ZNF765: variants seen among roughly 807,000 people sequenced by gnomAD.
ZNF765 encodes zinc finger protein 765.
In ZNF765, 37 loss-of-function variants were observed where a neutral mutation model predicts 44.7. That is an observed-to-expected ratio of 0.83 (90% CI 0.64 to 1.09). The LOEUF (loss-of-function observed/expected upper bound fraction) is 1.09, where lower values mean the gene tolerates loss of function less well. Ranked by LOEUF, ZNF765 falls within the 50% of genes least tolerant of loss-of-function variation. The probability of loss-of-function intolerance (pLI) is 0.00; values close to 1 mark genes in which losing one functional copy is unlikely to be tolerated. For missense variants in ZNF765, 594 were observed against 626.1 expected (o/e 0.95, Z 0.55); for synonymous variants, 201 against 213.7 (o/e 0.94, Z 0.52).
intron 3 of ZNF765, among the ~76,000 whole-genome samples, chr19:53,418,189 C>T (rs2085886138): frequency 6.6e-6 from 1 of 152,040 alleles, no homozygotes; most frequent in Non-Finnish European, 1.5e-5. Context: ...GATCACGGGT[C>T]AGGAGATCGA....
chr19:53,412,430 G>A (rs960441578), downstream of ZNF765, among the ~76,000 whole-genome samples: 1 of 152,038 alleles, frequency 6.6e-6, no homozygotes, highest in African/African-American at 2.4e-5. Flanking sequence ...TCTAGTACAA[G>A]GGATCTTGAT....
chr19:53,403,607 G>T lies in ZNF765; in HGVS notation c.142+1416G>T, dbSNP rs577610136. 8.6e-4 allele frequency among the ~76,000 whole-genome samples: 131 copies of T among 152,332 alleles called. 1 individual carries two copies. The highest frequency in any genetic ancestry group is 1.5e-3 in the Non-Finnish European group (105 of 68,032). ...GCCTGTAATCCCAGCACTTCGGGAG[G>T]CCGAGGCAGGCAAATCACCTGAGGT... On this transcript the variant is annotated intron_variant, in intron 3 of 3. Transcript: ENST00000396408.
At chr19:53,412,160 T>C (rs2085839275), downstream of ZNF765, among the ~76,000 whole-genome samples, 1 of 152,258 alleles carries the variant, frequency 6.6e-6, no homozygotes, top group Non-Finnish European at 1.5e-5. Context: ...CACTCATTGG[T>C]CATTTCATGG....
Position 53,408,172 on chromosome 19 carries a change from A to C in ZNF765, c.617A>C (p.Gln206Pro), listed in dbSNP as rs567402985. 6 of 1,614,106 alleles carry C rather than the reference A, an allele frequency of 3.7e-6. No homozygotes were observed. In the Admixed American group the frequency reaches 5.0e-5, roughly 13 times the overall value. Residue 206 changes from glutamine (Q) to proline (P), a missense_variant, in exon 4 of 4, where the codon CAG (glutamine) becomes CCG (proline). Transcript: ENST00000396408. ...AATTCTTCATTATTCACACAAAAACAGGAAGTACATATGAGGGAAAAATCT... is the reference window on the plus strand; with the variant it reads ...AATTCTTCATTATTCACACAAAAACCGGAAGTACATATGAGGGAAAAATCT... ...FLNSSLFTQK[Q>P]EVHMREKSFQ...
intron 3 of ZNF765, among the ~76,000 whole-genome samples, chr19:53,417,371 CAT>C (rs1202563537): frequency 2.6e-4 from 39 of 152,144 alleles, no homozygotes; most frequent in African/African-American, 8.7e-4. Context: ...TAAGTGAGAA[CAT>C]GTGGCATTTG....
At chr19:53,422,817 C>T (rs117599151) in intron 3 of ZNF765, among the ~76,000 whole-genome samples, 3,153 of 152,216 alleles carry the variant, frequency 0.021, 69 homozygotes, top group Admixed American at 0.054. Flanking sequence ...GGGATGTGGC[C>T]ATGGGAATGA....
chr19:53,401,625 T>C (rs2147091016), intron 2 of ZNF765, among the ~76,000 whole-genome samples: 1 of 151,966 alleles, frequency 6.6e-6, no homozygotes, highest in South Asian at 2.1e-4. Flanking sequence ...TGCATGTAAT[T>C]CCAGCACTTT....
chr19:53,415,893 C>T (rs1437811732), downstream of ZNF765, among the ~76,000 whole-genome samples: 1 of 152,124 alleles, frequency 6.6e-6, no homozygotes, highest in East Asian at 1.9e-4. Flanking sequence ...TATATTTCTG[C>T]TTCAAGGACA....
At chr19:53,400,783 T>TATATATATATATATAC (rs10664389) in intron 2 of ZNF765, among the ~76,000 whole-genome samples, 3,420 of 126,516 alleles carry the variant, frequency 0.027, 78 homozygotes, top group African/African-American at 0.046. Context: ...TATATATATA[T>TATATATATATATATAC]ACACACATAC....
At chr19:53,404,373 G>T (rs2085756080) in intron 3 of ZNF765, among the ~76,000 whole-genome samples, 1 of 152,130 alleles carries the variant, frequency 6.6e-6, no homozygotes, top group African/African-American at 2.4e-5. Context: ...ACCGTGCCCG[G>T]CCTGTCTTTT....
At chr19:53,403,219 C>G (rs2085745256) in intron 3 of ZNF765, among the ~76,000 whole-genome samples, 1 of 151,958 alleles carries the variant, frequency 6.6e-6, no homozygotes, top group African/African-American at 2.4e-5. Context: ...CTGTGAGTCT[C>G]TTGTAGACAA....
intron 3 of ZNF765, among the ~76,000 whole-genome samples, chr19:53,420,836 A>G (rs1358949705): frequency 6.6e-6 from 1 of 152,196 alleles, no homozygotes; most frequent in Non-Finnish European, 1.5e-5. Flanking sequence ...GGAAGGCCAC[A>G]GGGACCTCTG....
In ZNF765 at chr19:53,402,585, A is replaced by G. The variant is rs530623050; in HGVS notation, c.142+394A>G. On this transcript the variant is annotated intron_variant, in intron 3 of 3. Coordinates refer to ENST00000396408, the MANE Select transcript of ZNF765 (RefSeq NM_001040185.3). ...TATATTTTCTCTTGTTTTTAGATAA[A>G]GTGTCTCTCTCTGTCAGCCCGGGTG... is the stretch of plus-strand genomic sequence containing the variant. Among the ~76,000 whole-genome samples the G allele has an allele frequency of 5.3e-5, 8 of 152,094 alleles. No homozygotes were observed. In the South Asian group the frequency reaches 1.2e-3, roughly 24 times the overall value.
At chr19:53,419,783 C>T (rs143503707) in intron 3 of ZNF765, among the ~76,000 whole-genome samples, 2,505 of 151,920 alleles carry the variant, frequency 0.016, 72 homozygotes, top group African/African-American at 0.057. Context: ...TTTAGGAGGC[C>T]GAGGCGGGTG....
chr19:53,409,919 T>G lies in ZNF765; in HGVS notation c.*792T>G. 1 of 615,920 alleles carries G rather than the reference T, an allele frequency of 1.6e-6. No individual in the cohort carries two copies. Among genetic ancestry groups the G allele is most frequent in the South Asian group, 1.4e-5 (1 of 71,564 alleles). The allele number at this position is 615,920 out of a possible 1,614,324, so 38.2% of individuals were successfully genotyped here. A position where few individuals can be genotyped will look rare whatever the true frequency, so the allele number is the denominator to read the frequency against. ...TCATGGGCAGTCAGCATTTTACAAA[T>G]GTAATGATTGTCACCAAGTCTTGAG... is the stretch of plus-strand genomic sequence containing the variant. On this transcript the variant is annotated 3_prime_UTR_variant, in exon 4 of 4. Coordinates refer to ENST00000396408, the MANE Select transcript of ZNF765 (RefSeq NM_001040185.3).
intron 3 of ZNF765, among the ~76,000 whole-genome samples, chr19:53,406,257 C>T (rs2147095821): frequency 6.6e-6 from 1 of 151,694 alleles, no homozygotes; most frequent in African/African-American, 2.4e-5. Context: ...TCTTGAACTC[C>T]TCACCTCATG....
chr19:53,419,757 C>T (rs544978993), intron 3 of ZNF765, among the ~76,000 whole-genome samples: 93 of 152,244 alleles, frequency 6.1e-4, no homozygotes, highest in African/African-American at 2.0e-3. Context: ...GTGGCTCACA[C>T]CTGTAATCCC....
Position 53,409,029 on chromosome 19 carries a change from A to G in ZNF765, c.1474A>G (p.Lys492Glu). The change falls in exon 4 of 4, where the codon AAA becomes GAA. Residue 492 changes from lysine to glutamate, a missense_variant. Physicochemically the swap from Lys to Glu is moderately conservative, Grantham distance 56. Coordinates refer to ENST00000396408, the MANE Select transcript of ZNF765 (RefSeq NM_001040185.3). ...TYHHRLHTGQ[K>E]PYKCEDCDEA... Reference sequence around the variant, plus strand: ...CCATCATAGACTTCATACTGGACAGAAACCTTACAAATGTGAAGATTGTGA... The same window carrying G: ...CCATCATAGACTTCATACTGGACAGGAACCTTACAAATGTGAAGATTGTGA... The G allele has an allele frequency of 6.2e-7, 1 of 1,614,058 alleles. No homozygotes were observed. Among genetic ancestry groups the G allele is most frequent in the Middle Eastern group, 1.6e-4 (1 of 6,062 alleles).
chr19:53,421,285 C>T (rs759348384), intron 3 of ZNF765, among the ~76,000 whole-genome samples: 3 of 152,156 alleles, frequency 2.0e-5, no homozygotes, highest in Non-Finnish European at 4.4e-5. Context: ...ATCCCCCTCT[C>T]GGAGATGGTA....
Sources: allele counts gnomAD v4.1 joint callset (sites outside exome capture counted in the v4.1 genomes callset), GRCh38; gene constraint gnomAD v4.1.1; transcripts MANE v1.5; gene names NCBI Gene and HGNC (gene_info 2026-07-23, HGNC 2026-07-21).